The following AREG variants were observed in gnomAD, a reference collection of about 807,000 sequenced individuals.
The protein encoded by AREG is amphiregulin B.
In AREG, 16 loss-of-function variants were observed where a neutral mutation model predicts 28.0. That is an observed-to-expected ratio of 0.57 (90% confidence interval 0.39 to 0.87). The LOEUF is 0.87. Ranked by LOEUF, AREG falls within the 40% of genes least tolerant of loss-of-function variation. The probability of loss-of-function intolerance (pLI) is 0.00; values close to 1 mark genes in which losing one functional copy is unlikely to be tolerated. For synonymous variants in AREG, 113 were observed against 113.5 expected, an observed-to-expected ratio of 1.00 and a Z score of 0.02; for missense variants, 287 against 309.1, an observed-to-expected ratio of 0.93 and a Z score of 0.53.
At chr4:74,451,454 C>T (rs1337066175) in intron 4 of AREG, among the ~76,000 whole-genome samples, 8 of 152,194 alleles carry the variant, frequency 5.3e-5, no homozygotes, top group Admixed American at 3.3e-4. Flanking sequence ...TGATCTACCA[C>T]GACTACCATT....
At chr4:74,445,510 G>T in intron 1 of AREG, 104 bp downstream of exon 1, 1 of 1,537,888 alleles carries the variant, frequency 6.5e-7, no homozygotes, top group Non-Finnish European at 8.8e-7. Flanking sequence ...TAGTTCCCCC[G>T]ACCCTGCGCC....
intron 2 of AREG, chr4:74,448,530 A>G (rs1471813920): frequency 6.5e-6 from 1 of 154,106 alleles, no homozygotes; most frequent in Non-Finnish European, 1.4e-5. Flanking sequence ...AACAAAATGC[A>G]CAGCACTAAC....
Position 74,450,430 on chromosome 4 carries a change from C to A in AREG, c.563C>A (p.Thr188Asn), listed in dbSNP as rs773773793. 1 of 1,613,950 alleles carries A rather than the reference C, an allele frequency of 6.2e-7. No individual in the cohort carries two copies. Among genetic ancestry groups the A allele is most frequent in the Non-Finnish European group, 8.5e-7 (1 of 1,179,852 alleles). ...GERCGEKSMK[T>N]HSMIDSSLSK... ...CGGTGTGGGGAAAAGTCCATGAAAA[C>A]TCACAGCATGATTGACAGTAGTTTA... The change falls in exon 4 of 6, where the codon ACT (threonine) becomes AAT (asparagine). Residue 188 changes from threonine (T) to asparagine (N), a missense_variant. Physicochemically the swap from Thr to Asn is moderately conservative, Grantham distance 65. Transcript: ENST00000395748.
chr4:74,445,592 A>G (rs889283931), intron 1 of AREG, among the ~76,000 whole-genome samples, 186 bp downstream of exon 1: 1 of 152,224 alleles, frequency 6.6e-6, no homozygotes, highest in African/African-American at 2.4e-5. Context: ...CGTCCAGGAC[A>G]AGGTGTCCCA....
Position 74,454,662 on chromosome 4 carries a change from A to G in AREG, c.*19-97A>G, listed in dbSNP as rs1007347107. 7.1e-6 allele frequency: 4 copies of G among 565,906 alleles called. No homozygotes were observed. In the South Asian group the frequency reaches 7.4e-5, roughly 10 times the overall value. 35.1% of individuals were successfully genotyped at this position (565,906 alleles called of 1,614,324 possible). ...CAACTGACAGAAATTCTGATTCCTG[A>G]TTATGCTTTAAAGTTTCTTAAAGCT... On this transcript the variant is annotated intron_variant, in intron 5 of 5. Coordinates refer to ENST00000395748, the MANE Select transcript of AREG (RefSeq NM_001657.4).
chr4:74,450,372 GC>G lies in AREG; in HGVS notation c.513-7del. On this transcript the variant is annotated splice_region_variant and splice_polypyrimidine_tract_variant and intron_variant, in intron 3 of 5. Transcript: ENST00000395748. ...TGATTATAATTTTTAAATGTGAATT[GC>G]TTGCAGATGTCAGCAAGAATATTTC... 3 of 1,613,902 alleles carry G rather than the reference GC, an allele frequency of 1.9e-6. No homozygotes were observed. The Admixed American group carries it at 5.0e-5, about 27-fold the overall frequency.
At chr4:74,449,312 C>T in intron 3 of AREG, 64 bp downstream of exon 3, 8 of 1,606,000 alleles carry the variant, frequency 5.0e-6, no homozygotes, top group Non-Finnish European at 6.8e-6. Context: ...CCCCTAACTG[C>T]AGGAAACCAT....
intron 3 of AREG, 136 bp downstream of exon 3, chr4:74,449,384 ATAT>A: frequency 6.8e-7 from 1 of 1,469,016 alleles, no homozygotes; most frequent in East Asian, 2.4e-5. Flanking sequence ...CAGATAGTAA[ATAT>A]TATAGGCTTA....
At chr4:74,454,500 A>T (rs946070102) in intron 5 of AREG, among the ~76,000 whole-genome samples, 15 of 152,202 alleles carry the variant, frequency 9.9e-5, no homozygotes, top group Middle Eastern at 3.2e-3. Flanking sequence ...GCAGAATTTG[A>T]TGCAACAGAT....
intron 3 of AREG, 57 bp downstream of exon 3, chr4:74,449,305 C>CG (rs1719343444): frequency 6.2e-7 from 1 of 1,609,428 alleles, no homozygotes; most frequent in Non-Finnish European, 8.5e-7. Context: ...TCTGAAACCC[C>CG]TAACTGCAGG....
chr4:74,452,316 G>A (rs1719393009), intron 4 of AREG, among the ~76,000 whole-genome samples: 2 of 152,052 alleles, frequency 1.3e-5, no homozygotes, highest in Non-Finnish European at 2.9e-5. Flanking sequence ...GGTATATCAA[G>A]ACACATTTAA....
chr4:74,452,755 A>G (rs1719400178), intron 5 of AREG, 100 bp downstream of exon 5: 1 of 1,024,434 alleles, frequency 9.8e-7, no homozygotes, highest in South Asian at 1.7e-5. Context: ...TCTTAATTAT[A>G]TATACACTAT....
intron 4 of AREG, 128 bp from the exon 5 acceptor site, chr4:74,452,416 G>C (rs952733297): frequency 1.2e-5 from 12 of 1,032,950 alleles, no homozygotes; most frequent in Middle Eastern, 2.5e-4. Flanking sequence ...TTTAGGTTTA[G>C]TGTCAAGTAT....
At chr4:74,446,399 G>A in intron 1 of AREG, 135 bp from the exon 2 acceptor site, 2 of 1,498,362 alleles carry the variant, frequency 1.3e-6, no homozygotes, top group South Asian at 2.5e-5. Context: ...TCATAGAAAT[G>A]ACTCAATCAC....
At chr4:74,454,682 A>G in intron 5 of AREG, 77 bp from the exon 6 acceptor site, 1 of 596,996 alleles carries the variant, frequency 1.7e-6, no homozygotes, top group Non-Finnish European at 2.9e-6. Context: ...AAAGTTTCTT[A>G]AAGCTCTGCT....
Position 74,449,076 on chromosome 4 carries a change from A to C in AREG, c.340A>C (p.Lys114Gln). Residue 114 changes from lysine (K) to glutamine (Q), a missense_variant, in exon 3 of 6, where the codon AAG becomes CAG. Transcript: ENST00000395748. ...VEQVVKPPQN[K>Q]TESENTSDKP... ...ACAGGTAGTTAAGCCCCCCCAAAAC[A>C]AGACGGAAAGTGAAAATACTTCAGA... The C allele has an allele frequency of 5.0e-6, 8 of 1,610,956 alleles. No individual in the cohort carries two copies. The South Asian group carries it at 8.8e-5, about 18-fold the overall frequency.
chr4:74,453,107 T>C (rs1036704335), intron 5 of AREG, among the ~76,000 whole-genome samples: 1 of 152,076 alleles, frequency 6.6e-6, no homozygotes, highest in African/African-American at 2.4e-5. Flanking sequence ...TTCAAGAAAC[T>C]GTGAAGGGAA....
At chr4:74,451,689 T>C (rs1176097633) in intron 4 of AREG, among the ~76,000 whole-genome samples, 1 of 152,182 alleles carries the variant, frequency 6.6e-6, no homozygotes, top group Non-Finnish European at 1.5e-5. Context: ...ATTATTATTT[T>C]AAAGGATAGA....
chr4:74,445,467 A>T (rs1156552741), intron 1 of AREG, 61 bp downstream of exon 1: 6 of 1,568,686 alleles, frequency 3.8e-6, no homozygotes, highest in Non-Finnish European at 5.2e-6. Context: ...TTGCCTCTTG[A>T]GTTTGGCTCT....
Sources: gnomAD v4.1 joint callset for allele counts (sites outside exome capture counted in the v4.1 genomes callset) on GRCh38, gnomAD v4.1.1 for gene constraint, MANE v1.5 for transcripts, NCBI Gene and HGNC (gene_info 2026-07-23, HGNC 2026-07-21) for gene names.